The following NLGN1 variants were observed in gnomAD, a reference collection of about 807,000 sequenced individuals.
NLGN1 encodes neuroligin 1, also known as neuroligin-1.
A neutral mutation model predicts 65.5 loss-of-function variants in NLGN1; 12 were observed. The observed-to-expected ratio is 0.18, with a 90% CI of 0.12 to 0.30. The LOEUF (loss-of-function observed/expected upper bound fraction) is 0.30, where lower values mean the gene tolerates loss of function less well. NLGN1 is among the 10% of genes least tolerant of loss of function. The pLI, the probability that NLGN1 is intolerant of heterozygous loss-of-function variation, is 1.00. For synonymous variants in NLGN1, 350 were observed against 359.5 expected (o/e 0.97, Z 0.30); for missense variants, 750 against 1,007.1 (o/e 0.74, Z 3.46).
chr3:173,638,013 C>T (rs75837010), intron 3 of NLGN1, among the ~76,000 whole-genome samples: 1 of 152,136 alleles, frequency 6.6e-6, no homozygotes, highest in African/African-American at 2.4e-5. Context: ...AATAGGTGTG[C>T]CAGTAGATTT....
chr3:173,907,941 A>T (rs930139009), intron 4 of NLGN1, among the ~76,000 whole-genome samples: 3 of 152,152 alleles, frequency 2.0e-5, no homozygotes, highest in Non-Finnish European at 4.4e-5. Flanking sequence ...GCTGGTCTCG[A>T]ACTCCTGACC....
chr3:173,466,830 T>G (rs1723192586), intron 2 of NLGN1, among the ~76,000 whole-genome samples: 1 of 152,178 alleles, frequency 6.6e-6, no homozygotes, highest in Non-Finnish European at 1.5e-5. Flanking sequence ...CCTAACGTCT[T>G]CAGGGAATGA....
intron 4 of NLGN1, among the ~76,000 whole-genome samples, chr3:173,980,671 C>T (rs978030600): frequency 3.3e-5 from 5 of 151,890 alleles, no homozygotes; most frequent in African/African-American, 4.8e-5. Flanking sequence ...TATAATGACA[C>T]GGTATCAGTG....
chr3:173,729,806 A>G (rs945177973), intron 3 of NLGN1, among the ~76,000 whole-genome samples: 1 of 152,110 alleles, frequency 6.6e-6, no homozygotes, highest in African/African-American at 2.4e-5. Context: ...GGTGGGACCC[A>G]TACATTGGTG....
intron 4 of NLGN1, among the ~76,000 whole-genome samples, chr3:174,100,283 A>C (rs1561041351): frequency 1.3e-5 from 2 of 152,012 alleles, no homozygotes; most frequent in Admixed American, 1.3e-4. Flanking sequence ...TGGTAAAAAA[A>C]AAAAAACTTT....
At chr3:174,171,969 C>T (rs1030549145) in intron 4 of NLGN1, among the ~76,000 whole-genome samples, 1 of 152,044 alleles carries the variant, frequency 6.6e-6, no homozygotes, top group East Asian at 1.9e-4. Context: ...TATTTACTTA[C>T]TGAGACCCAA....
At position 174,097,106 on chromosome 3, in the gene NLGN1, G is replaced by A. The variant is rs192539114; in HGVS notation, c.647-178209G>A. 2.6e-3 allele frequency among the ~76,000 whole-genome samples: 396 copies of A among 151,992 alleles called. 4 individuals are homozygous for A. Among genetic ancestry groups the A allele is most frequent in the Non-Finnish European group, 1.1e-3 (77 of 67,950 alleles). ...TTAAGAAGACAATAGGACTATGAGC[G>A]CCACTGTAGAAAGATGCTAGCTAGA... On this transcript the variant is annotated intron_variant, in intron 4 of 6. Coordinates refer to ENST00000457714, the Ensembl canonical transcript of NLGN1.
chr3:173,829,092 C>T (rs758103296), intron 4 of NLGN1, among the ~76,000 whole-genome samples: 1 of 151,950 alleles, frequency 6.6e-6, no homozygotes, highest in Non-Finnish European at 1.5e-5. Flanking sequence ...TGCAATAATC[C>T]AGGCACAATA....
At chr3:173,978,316 T>C (rs1391933791) in intron 4 of NLGN1, among the ~76,000 whole-genome samples, 1 of 152,052 alleles carries the variant, frequency 6.6e-6, no homozygotes, top group African/African-American at 2.4e-5. Flanking sequence ...TATATATTGG[T>C]GTAACCACTA....
chr3:173,918,321 T>C (rs1286734458), intron 4 of NLGN1, among the ~76,000 whole-genome samples: 3 of 151,950 alleles, frequency 2.0e-5, no homozygotes, highest in Non-Finnish European at 2.9e-5. Flanking sequence ...CTACAAAAGG[T>C]ATCAAACACC....
chr3:174,148,394 T>C (rs1477058602), intron 4 of NLGN1, among the ~76,000 whole-genome samples: 1 of 152,182 alleles, frequency 6.6e-6, no homozygotes, highest in Non-Finnish European at 1.5e-5. Context: ...ACATCTCCAC[T>C]TTAAAAGTGC....
At chr3:173,910,916 A>T (rs1739458646) in intron 4 of NLGN1, 1 of 152,206 alleles carries the variant, frequency 6.6e-6, no homozygotes, top group African/African-American at 2.4e-5. Flanking sequence ...AAATTATTTG[A>T]AATGCTTTGG....
chr3:173,414,210 G>T (rs1387481361), intron 1 of NLGN1, among the ~76,000 whole-genome samples: 3 of 152,214 alleles, frequency 2.0e-5, no homozygotes, highest in Admixed American at 6.5e-5. Flanking sequence ...TAGCTGTGTT[G>T]CTGACTTAAC....
chr3:173,475,668 T>C (rs1726070360), intron 2 of NLGN1, among the ~76,000 whole-genome samples: 1 of 152,176 alleles, frequency 6.6e-6, no homozygotes, highest in Non-Finnish European at 1.5e-5. Context: ...CAAATATTTT[T>C]AGCAAGAGTT....
At chr3:174,164,900 T>C (rs1727217343) in intron 4 of NLGN1, among the ~76,000 whole-genome samples, 1 of 152,116 alleles carries the variant, frequency 6.6e-6, no homozygotes, top group Non-Finnish European at 1.5e-5. Context: ...GTATTGGATC[T>C]GTAGATTGCT....
intron 4 of NLGN1, among the ~76,000 whole-genome samples, chr3:174,265,778 T>TATATATATATATATACAC (rs1414006373): frequency 8.8e-6 from 1 of 113,378 alleles, no homozygotes; most frequent in African/African-American, 3.3e-5. Context: ...TATATATATA[T>TATATATATATATATACAC]ATATGTATAT....
intron 2 of NLGN1, among the ~76,000 whole-genome samples, chr3:173,445,265 C>G (rs1246626322): frequency 1.5e-5 from 1 of 66,864 alleles, no homozygotes; most frequent in African/African-American, 6.6e-5. Flanking sequence ...GAGACTCCGT[C>G]TCAAAAAAAA....
At chr3:173,730,323 C>CCA (rs1553822016) in intron 3 of NLGN1, among the ~76,000 whole-genome samples, 5 of 28,720 alleles carry the variant, frequency 1.7e-4, no homozygotes, top group African/African-American at 5.1e-4. Context: ...CCCCACCGCT[C>CCA]CCCCCCCCCC....
rs1017872159 is a variant in NLGN1, at chr3:173,747,085, C to T, written c.494-60595C>T. Among the ~76,000 whole-genome samples, 269 of 149,778 alleles carry T rather than the reference C, an allele frequency of 1.8e-3. 3 individuals carry two copies. Among genetic ancestry groups the T allele is most frequent in the Non-Finnish European group, 3.4e-3 (228 of 67,618 alleles). On this transcript the variant is annotated intron_variant, in intron 3 of 6. Transcript: ENST00000457714. ...ACACACACACACACACACACACACA[C>T]ACACACAAACACACACGTGTGTATA...
Sources: allele counts gnomAD v4.1 joint callset (sites outside exome capture counted in the v4.1 genomes callset), GRCh38; gene constraint gnomAD v4.1.1; transcripts MANE v1.5; gene names NCBI Gene and HGNC (gene_info 2026-07-23, HGNC 2026-07-21).